Variants in EGFR observed in about 807,000 individuals in gnomAD.
The protein encoded by EGFR is epidermal growth factor receptor.
Under a neutral mutation model 143.0 loss-of-function variants are expected in EGFR, and 58 were observed. The observed-to-expected ratio is 0.41, with a 90% CI of 0.33 to 0.50. The LOEUF (loss-of-function observed/expected upper bound fraction) is 0.50. Ranked by LOEUF, EGFR falls within the 20% of genes least tolerant of loss-of-function variation. The pLI, the probability that EGFR is intolerant of heterozygous loss-of-function variation, is 0.39. For missense variants in EGFR, 1,307 were observed against 1,579.0 expected (o/e 0.83, Z 2.92); for synonymous variants, 613 against 594.4 (o/e 1.03, Z -0.45).
At chr7:55,156,504 C>G (rs1045102031) in intron 8 of EGFR, 29 bp from the exon 9 acceptor site, 2 of 1,613,780 alleles carry the variant, frequency 1.2e-6, no homozygotes, top group South Asian at 1.1e-5. Context: ...CAAATGTGAA[C>G]GGAATACACG....
chr7:55,171,415 GTGGAGGGAAAGTTGGACACACAGTGC>G (rs2128951590), intron 16 of EGFR, among the ~76,000 whole-genome samples: 1 of 152,346 alleles, frequency 6.6e-6, no homozygotes, highest in East Asian at 1.9e-4. Flanking sequence ...TTTGTCCTCA[GTGGAGGGAAAGTTGGACACACAGTGC>G]TGGGGCTGCT....
rs1787838140 is a variant in EGFR at position 55,201,299 on chromosome 7, C to G, written c.3058C>G (p.Gln1020Glu). The G allele has an allele frequency of 2.5e-6, 4 of 1,614,018 alleles. No homozygotes were observed. ...GGATGCCGACGAGTACCTCATCCCA[C>G]AGCAGGGCTTCTTCAGCAGCCCCTC... ...VVDADEYLIPQQGFFSSPSTS... is the reference protein window; with the variant it reads ...VVDADEYLIPEQGFFSSPSTS... Residue 1020 changes from glutamine (Q) to glutamate (E), a missense_variant, in exon 25 of 28, where the codon CAG becomes GAG. Coordinates refer to ENST00000275493, the MANE Select transcript of EGFR (RefSeq NM_005228.5).
intron 1 of EGFR, among the ~76,000 whole-genome samples, chr7:55,041,986 G>T (rs1396379155): frequency 1.3e-5 from 2 of 152,076 alleles, no homozygotes; most frequent in African/African-American, 4.8e-5. Flanking sequence ...GCACCAAAAA[G>T]CTCAGAGACA....
At chr7:55,204,641 T>TAC (rs1788031200) in intron 27 of EGFR, among the ~76,000 whole-genome samples, 1 of 34,298 alleles carries the variant, frequency 2.9e-5, no homozygotes, top group Non-Finnish European at 5.8e-5. Context: ...ACACCACACA[T>TAC]ACATACACAT....
intron 27 of EGFR, among the ~76,000 whole-genome samples, chr7:55,203,387 A>G (rs1181902520): frequency 1.4e-5 from 2 of 140,820 alleles, no homozygotes; most frequent in African/African-American, 5.5e-5. Context: ...CCACACATAC[A>G]TACAGACACA....
intron 26 of EGFR, 23 bp from the exon 27 acceptor site, chr7:55,202,494 C>G (rs2128972955): frequency 1.3e-6 from 2 of 1,575,544 alleles, no homozygotes; most frequent in Non-Finnish European, 1.7e-6. Context: ...ACCGGAGTAA[C>G]CTTCCCTCAT....
intron 1 of EGFR, among the ~76,000 whole-genome samples, chr7:55,111,031 C>T (rs548403124): frequency 6.6e-6 from 1 of 152,302 alleles, no homozygotes; most frequent in Non-Finnish European, 1.5e-5. Context: ...TTCCCCCCTT[C>T]CATTTATATC....
chr7:55,104,051 A>G (rs1791979041), intron 1 of EGFR, among the ~76,000 whole-genome samples: 2 of 152,242 alleles, frequency 1.3e-5, no homozygotes, highest in Non-Finnish European at 2.9e-5. Context: ...AATCCAATTT[A>G]TAGGAGTTAT....
At chr7:55,076,363 T>G (rs879512222) in intron 1 of EGFR, among the ~76,000 whole-genome samples, 1 of 152,232 alleles carries the variant, frequency 6.6e-6, no homozygotes, top group Non-Finnish European at 1.5e-5. Flanking sequence ...TCCTTGAGTT[T>G]TATTATCAAG....
rs17336912 is a variant in EGFR at position 55,164,986 on chromosome 7, C to T, written c.1723-294C>T. ...ATTTGGGCCAATCAAGATGGTTTTG[C>T]CAAGGAAAGATGCCCACAATGGTTA... On this transcript the variant is annotated intron_variant, in intron 14 of 27. Transcript: ENST00000275493. 7.9e-3 allele frequency among the ~76,000 whole-genome samples: 1,195 copies of T among 152,218 alleles called. 14 individuals carry two copies. Among genetic ancestry groups the T allele is most frequent in the African/African-American group, 0.027 (1,134 of 41,522 alleles).
chr7:55,139,332 T>C (rs1584135570), intron 1 of EGFR, among the ~76,000 whole-genome samples: 1 of 152,350 alleles, frequency 6.6e-6, no homozygotes, highest in Non-Finnish European at 1.5e-5. Context: ...GTGACTGTAA[T>C]TTTTAAGTAA....
Position 55,208,910 on chromosome 7 carries a change from C to G in EGFR, c.*3293C>G, listed in dbSNP as rs755339428. 6.6e-6 allele frequency: 1 copy of G among 152,152 alleles called. No individual in the cohort carries two copies. The highest frequency in any genetic ancestry group is 1.5e-5 in the Non-Finnish European group (1 of 68,028). The allele number at this position is 152,152 out of a possible 1,614,324, so 9.4% of individuals were successfully genotyped here. ...GCCCAGCCGTAGGGCCTTTTCAGAG[C>G]ACCCCCTGGTTATTGCAACATTCAT... On this transcript the variant is annotated 3_prime_UTR_variant, in exon 28 of 28. Transcript: ENST00000275493.
intron 1 of EGFR, among the ~76,000 whole-genome samples, chr7:55,076,411 G>GA (rs1054619214): frequency 6.6e-5 from 10 of 151,822 alleles, no homozygotes; most frequent in African/African-American, 2.2e-4. Context: ...TCATTGGTTG[G>GA]AAAAAAAATC....
chr7:55,107,279 C>A (rs983546981), intron 1 of EGFR, among the ~76,000 whole-genome samples: 4 of 152,082 alleles, frequency 2.6e-5, no homozygotes, highest in African/African-American at 9.7e-5. Context: ...TTCCTATTTC[C>A]ATTGGCAAGC....
chr7:55,075,984 G>A (rs182739510), intron 1 of EGFR, among the ~76,000 whole-genome samples: 1 of 152,306 alleles, frequency 6.6e-6, no homozygotes, highest in East Asian at 1.9e-4. Flanking sequence ...AACTGGAAAT[G>A]TCCAAGCCTG....
intron 19 of EGFR, among the ~76,000 whole-genome samples, chr7:55,176,057 C>G (rs1445814605): frequency 1.4e-4 from 22 of 152,156 alleles, no homozygotes; most frequent in Admixed American, 1.4e-3. Flanking sequence ...TTAACATAAC[C>G]ACAAGAAATA....
In EGFR at chr7:55,192,698, T is replaced by G. The variant is rs967142972; in HGVS notation, c.2626-68T>G. 15 of 1,427,388 alleles carry G rather than the reference T, an allele frequency of 1.1e-5. No homozygotes were observed. The African/African-American group carries it at 2.0e-4, about 19-fold the overall frequency. The allele number at this position is 1,427,388 out of a possible 1,614,324, so 88.4% of individuals were successfully genotyped here. A position where few individuals can be genotyped will look rare whatever the true frequency, so the allele number is the denominator to read the frequency against. ...GTGTCACTCGTAATTAGGTCCAGAG[T>G]GAGTTAACTTTTTCCAACAGAGGGA... On this transcript the variant is annotated intron_variant, in intron 21 of 27. Transcript: ENST00000275493.
chr7:55,205,739 T>C lies in EGFR; in HGVS notation c.*122T>C. ...AGCTCTTAGACCCACAGACTGGTTT[T>C]GCAACGTTTACACCGACTAGCCAGG... On this transcript the variant is annotated 3_prime_UTR_variant, in exon 28 of 28. Transcript: ENST00000275493. 1 of 1,523,918 alleles carries C rather than the reference T, an allele frequency of 6.6e-7. No homozygotes were observed. The highest frequency in any genetic ancestry group is 9.0e-7 in the Non-Finnish European group (1 of 1,107,482). 94.4% of individuals were successfully genotyped at this position (1,523,918 alleles called of 1,614,324 possible).
rs6952904 is a variant in EGFR, at chr7:55,173,628, G to A, written c.2062-293G>A. ...GACCGCCATGCACAACTTCCCTACC[G>A]GAGTTTTCAATCCAGTTAATAGGCG... On this transcript the variant is annotated intron_variant, in intron 17 of 27. Transcript: ENST00000275493. Among the ~76,000 whole-genome samples the A allele has an allele frequency of 5.1e-3, 776 of 152,336 alleles. 10 individuals carry two copies. The highest frequency in any genetic ancestry group is 0.018 in the African/African-American group (751 of 41,586).
Sources: gnomAD v4.1 joint callset for allele counts (sites outside exome capture counted in the v4.1 genomes callset) on GRCh38, gnomAD v4.1.1 for gene constraint, MANE v1.5 for transcripts, NCBI Gene and HGNC (gene_info 2026-07-23, HGNC 2026-07-21) for gene names.